MARCHF1: variants seen among roughly 807,000 people sequenced by gnomAD.
MARCHF1 encodes E3 ubiquitin-protein ligase MARCHF1.
A neutral mutation model predicts 54.2 loss-of-function variants in MARCHF1; 40 were observed. The ratio of observed to expected loss-of-function variants is 0.74; its 90% CI spans 0.57 to 0.96. The LOEUF is 0.96. Among genes scored for constraint, MARCHF1 ranks in the 40% least tolerant of loss-of-function variants. The pLI is 0.00. For synonymous variants in MARCHF1, 236 were observed against 236.3 expected (o/e 1.00, Z 0.01); for missense variants, 586 against 656.5 (o/e 0.89, Z 1.17).
chr4:163,881,292 T>G (rs555847305), intron 3 of MARCHF1, among the ~76,000 whole-genome samples: 165 of 152,216 alleles, frequency 1.1e-3, no homozygotes, highest in Non-Finnish European at 1.7e-3. Context: ...CTGGCCAACA[T>G]GGCAAAACCC....
At chr4:163,972,347 TA>T (rs1752563007) in intron 3 of MARCHF1, among the ~76,000 whole-genome samples, 1 of 152,192 alleles carries the variant, frequency 6.6e-6, no homozygotes. Flanking sequence ...TAAAGTATAA[TA>T]AAAAATTTTT....
At chr4:164,107,705 G>A (rs188592257) in intron 2 of MARCHF1, among the ~76,000 whole-genome samples, 1 of 151,990 alleles carries the variant, frequency 6.6e-6, no homozygotes, top group Non-Finnish European at 1.5e-5. Context: ...AAGTGAGTAA[G>A]TGTTTACTCA....
intron 8 of MARCHF1, among the ~76,000 whole-genome samples, chr4:163,582,794 A>G (rs1284714700): frequency 6.6e-6 from 1 of 151,992 alleles, no homozygotes; most frequent in Non-Finnish European, 1.5e-5. Flanking sequence ...GATGAATCTT[A>G]GTGCCATCAA....
intron 2 of MARCHF1, among the ~76,000 whole-genome samples, chr4:163,993,069 C>T (rs149293792): frequency 8.0e-4 from 121 of 151,706 alleles, no homozygotes; most frequent in Admixed American, 1.1e-3. Flanking sequence ...GTAAAGGAGA[C>T]GGAGAAGGAA....
intron 1 of MARCHF1, among the ~76,000 whole-genome samples, chr4:164,176,515 A>T (rs899697812): frequency 2.0e-5 from 3 of 152,164 alleles, no homozygotes; most frequent in Non-Finnish European, 4.4e-5. Context: ...AGCAATCCTA[A>T]TATTTAATTG....
At chr4:164,245,670 G>A (rs1311920248) in intron 1 of MARCHF1, among the ~76,000 whole-genome samples, 1 of 151,916 alleles carries the variant, frequency 6.6e-6, no homozygotes, top group Admixed American at 6.6e-5. Flanking sequence ...GTCCCTCTTT[G>A]CAGATGACAT....
intron 5 of MARCHF1, among the ~76,000 whole-genome samples, chr4:163,658,488 G>A (rs567392390): frequency 2.0e-5 from 3 of 152,018 alleles, no homozygotes; most frequent in Non-Finnish European, 4.4e-5. Flanking sequence ...AGAAGACAGT[G>A]TGGCAATTCC....
chr4:164,140,447 T>C (rs1756504578), intron 1 of MARCHF1, among the ~76,000 whole-genome samples: 1 of 152,054 alleles, frequency 6.6e-6, no homozygotes, highest in Admixed American at 6.6e-5. Context: ...ATCACTGCAT[T>C]TGGACAATGA....
chr4:163,704,057 A>G (rs925664363), intron 4 of MARCHF1, among the ~76,000 whole-genome samples: 1 of 151,850 alleles, frequency 6.6e-6, no homozygotes, highest in Non-Finnish European at 1.5e-5. Flanking sequence ...AACTTTCTGT[A>G]TACTATGTCA....
At position 163,613,311 on chromosome 4, in the gene MARCHF1, T is replaced by C. The variant is rs529433929; in HGVS notation, c.242+3A>G. ...AGATTAAGATAATTTGTTCAGCACT[T>C]ACCTGCAGATGTCCTGAGTGGATGG... On this transcript the variant is annotated splice_donor_region_variant and intron_variant, in intron 6 of 9. Transcript: ENST00000514618. 3.5e-4 allele frequency: 562 copies of C among 1,608,078 alleles called. 7 individuals are homozygous for C. In the South Asian group the frequency reaches 6.0e-3, roughly 17 times the overall value.
chr4:163,614,117 G>A (rs1741438947), intron 5 of MARCHF1, among the ~76,000 whole-genome samples: 1 of 152,062 alleles, frequency 6.6e-6, no homozygotes, highest in Non-Finnish European at 1.5e-5. Flanking sequence ...AGGTTATGAT[G>A]ATAAATAAAA....
chr4:164,201,769 A>G (rs955540776), intron 1 of MARCHF1, among the ~76,000 whole-genome samples: 2 of 152,218 alleles, frequency 1.3e-5, no homozygotes, highest in African/African-American at 4.8e-5. Flanking sequence ...GAACAAATTT[A>G]GGGACAGAAA....
chr4:164,216,917 C>A (rs1320357323), intron 1 of MARCHF1, among the ~76,000 whole-genome samples: 1 of 152,086 alleles, frequency 6.6e-6, no homozygotes, highest in Non-Finnish European at 1.5e-5. Flanking sequence ...TTAAATACAT[C>A]TGATTACAAT....
At chr4:164,263,519 C>A (rs1259490795) in intron 1 of MARCHF1, among the ~76,000 whole-genome samples, 4 of 152,048 alleles carry the variant, frequency 2.6e-5, no homozygotes, top group Non-Finnish European at 5.9e-5. Flanking sequence ...GTATTAGTCT[C>A]CCCAGTAGTT....
chr4:163,774,845 A>G (rs1216719751), intron 4 of MARCHF1, among the ~76,000 whole-genome samples: 1 of 152,032 alleles, frequency 6.6e-6, no homozygotes, highest in Non-Finnish European at 1.5e-5. Context: ...ATTTGACATG[A>G]CCGTTATTAT....
intron 1 of MARCHF1, among the ~76,000 whole-genome samples, chr4:164,142,543 C>T (rs1277547457): frequency 6.6e-6 from 1 of 152,164 alleles, no homozygotes; most frequent in Non-Finnish European, 1.5e-5. Context: ...AACTGGGAGG[C>T]ACCCCCCAGC....
chr4:164,124,890 A>G (rs1423743655), intron 1 of MARCHF1, among the ~76,000 whole-genome samples: 1 of 152,150 alleles, frequency 6.6e-6, no homozygotes, highest in African/African-American at 2.4e-5. Context: ...TAGGGTAACT[A>G]TAGTCAATAA....
chr4:163,914,468 G>A (rs974535492), intron 3 of MARCHF1, among the ~76,000 whole-genome samples: 27 of 151,956 alleles, frequency 1.8e-4, no homozygotes, highest in African/African-American at 6.3e-4. Flanking sequence ...CTAGGAGCAA[G>A]TATAACATAT....
chr4:164,056,159 C>T (rs534370921), intron 2 of MARCHF1, among the ~76,000 whole-genome samples: 11 of 152,288 alleles, frequency 7.2e-5, no homozygotes, highest in African/African-American at 2.6e-4. Context: ...TGCGCTGGCT[C>T]TGTGTGCTCT....
Sources: allele counts gnomAD v4.1 joint callset (sites outside exome capture counted in the v4.1 genomes callset), GRCh38; gene constraint gnomAD v4.1.1; transcripts MANE v1.5; gene names NCBI Gene and HGNC (gene_info 2026-07-23, HGNC 2026-07-21).